BLTP1: variants seen among roughly 807,000 people sequenced by gnomAD.
BLTP1 encodes bridge-like lipid transfer protein family member 1, also known as fragile site-associated protein.
the BLTP1 span, chr4:122,248,161 A>T: frequency 4.1e-6 from 4 of 974,990 alleles, no homozygotes; most frequent in Non-Finnish European, 3.7e-6. Context: ...AAAGCATTTG[A>T]CCTGAGGTTT....
the BLTP1 span, chr4:122,209,749 C>T: frequency 4.5e-6 from 7 of 1,541,972 alleles, no homozygotes; most frequent in Non-Finnish European, 6.1e-6. Flanking sequence ...TGATTATCTG[C>T]AACTGGTATC....
At chr4:122,192,278 TGAGGATTGCAAATTACAAG>T in the BLTP1 span, 1 of 1,613,398 alleles carries the variant, frequency 6.2e-7, no homozygotes, top group East Asian at 2.2e-5. Flanking sequence ...AAATGAGCAG[TGAGGATTGCAAATTACAAG>T]ACTTGCCTCC....
chr4:122,263,533 G>C, the BLTP1 span: 3 of 1,613,028 alleles, frequency 1.9e-6, no homozygotes, highest in African/African-American at 4.0e-5. Context: ...CAAATGCTGT[G>C]GGTAATCGAG....
the BLTP1 span, among the ~76,000 whole-genome samples, chr4:122,256,341 G>A: frequency 2.6e-5 from 4 of 152,214 alleles, no homozygotes; most frequent in African/African-American, 9.7e-5. Flanking sequence ...ACTTGCCTGT[G>A]TAGTTATAGG....
the BLTP1 span, chr4:122,258,839 T>A: frequency 6.2e-7 from 1 of 1,600,004 alleles, no homozygotes. Context: ...GCATTAAAAA[T>A]AAAGGTATAT....
chr4:122,356,647 T>A, the BLTP1 span: 6 of 1,613,334 alleles, frequency 3.7e-6, no homozygotes, highest in Admixed American at 1.0e-4. Flanking sequence ...AAAAGTAGAA[T>A]GTAGTGTGGT....
At chr4:122,250,474 C>T in the BLTP1 span, 54 of 1,613,592 alleles carry the variant, frequency 3.3e-5, no homozygotes, top group South Asian at 2.9e-4. Context: ...ATTCTCCAAC[C>T]GGCAGTGGCT....
At chr4:122,171,800 A>G in the BLTP1 span, 18 of 983,012 alleles carry the variant, frequency 1.8e-5, no homozygotes, top group African/African-American at 2.9e-4. Flanking sequence ...TTTCTTTAAG[A>G]AAAAAACAAC....
chr4:122,200,034 A>C, the BLTP1 span: 1 of 975,748 alleles, frequency 1.0e-6, no homozygotes. Context: ...TGCTATGTAA[A>C]ATGGTTAATA....
the BLTP1 span, among the ~76,000 whole-genome samples, chr4:122,161,603 G>A: frequency 7.3e-5 from 11 of 151,652 alleles, no homozygotes; most frequent in Non-Finnish European, 1.2e-4. Context: ...GCTAATTTTT[G>A]TATTTTTTTG....
the BLTP1 span, chr4:122,187,128 G>A: frequency 1.0e-6 from 1 of 984,284 alleles, no homozygotes; most frequent in Non-Finnish European, 1.2e-6. Context: ...GGGCAAAATG[G>A]TAGATGTAAT....
the BLTP1 span, chr4:122,346,919 A>G: frequency 1.1e-6 from 1 of 896,578 alleles, no homozygotes; most frequent in Non-Finnish European, 1.3e-6. Context: ...CACAAGGGAT[A>G]TATTAGCACT....
At chr4:122,323,440 C>CT in the BLTP1 span, among the ~76,000 whole-genome samples, 1,771 of 140,358 alleles carry the variant, frequency 0.013, 13 homozygotes, top group African/African-American at 0.029. Flanking sequence ...AGAGAACCCT[C>CT]TTTTTTTTTT....
chr4:122,177,482 G>A, the BLTP1 span, among the ~76,000 whole-genome samples: 10 of 152,020 alleles, frequency 6.6e-5, no homozygotes, highest in East Asian at 1.9e-4. Flanking sequence ...AGATTTTCCC[G>A]TGGCTTCCCA....
the BLTP1 span, chr4:122,238,031 G>A: frequency 1.4e-6 from 2 of 1,456,412 alleles, no homozygotes; most frequent in Admixed American, 2.1e-5. Context: ...AGATTGCCAT[G>A]TTTTTTATAA....
chr4:122,167,984 C>A, the BLTP1 span: 2 of 747,570 alleles, frequency 2.7e-6, no homozygotes, highest in Non-Finnish European at 3.3e-6. Flanking sequence ...CTTCATGTGG[C>A]TGAGCATACA....
At chr4:122,152,481 C>T in the BLTP1 span, 1 of 985,730 alleles carries the variant, frequency 1.0e-6, no homozygotes. Flanking sequence ...AGGCTGCATC[C>T]GGCTCGGTGC....
the BLTP1 span, chr4:122,183,140 A>C: frequency 1.9e-6 from 1 of 520,896 alleles, no homozygotes; most frequent in East Asian, 1.5e-4. Flanking sequence ...GTTTGAGACC[A>C]ACCTGGATAA....
chr4:122,240,194 G>C, the BLTP1 span: 1 of 1,614,110 alleles, frequency 6.2e-7, no homozygotes, highest in Non-Finnish European at 8.5e-7. Context: ...ATTGTTATCA[G>C]ACTTACCTTA....
Sources: gnomAD v4.1 joint callset for allele counts (sites outside exome capture counted in the v4.1 genomes callset) on GRCh38, gnomAD v4.1.1 for gene constraint, MANE v1.5 for transcripts, NCBI Gene and HGNC (gene_info 2026-07-23, HGNC 2026-07-21) for gene names.